The following GABRA3 variants were observed in gnomAD, a reference collection of about 807,000 sequenced individuals.
GABRA3 encodes the protein gamma-aminobutyric acid type A receptor subunit alpha3.
Under a neutral mutation model 30.1 loss-of-function variants are expected in GABRA3, and 10 were observed. The ratio of observed to expected loss-of-function variants is 0.33; its 90% CI spans 0.20 to 0.56. The LOEUF is 0.56. Ranked by LOEUF, GABRA3 falls within the 20% of genes least tolerant of loss-of-function variation. GABRA3 has a pLI of 0.89. For synonymous variants in GABRA3, 151 were observed against 146.8 expected (o/e 1.03, Z -0.21); for missense variants, 233 against 392.0 (o/e 0.59, Z 3.42).
chrX:152,199,221 C>T (rs1162926304), intron 7 of GABRA3, among the ~76,000 whole-genome samples: 2 of 106,955 alleles, frequency 1.9e-5, no homozygotes, highest in Non-Finnish European at 3.9e-5. Flanking sequence ...AAAATATTAG[C>T]CGGGTGTGGT....
chrX:152,227,091 A>T (rs2124383798), intron 5 of GABRA3, among the ~76,000 whole-genome samples: 1 of 110,348 alleles, frequency 9.1e-6, no homozygotes. Context: ...ACGTATGTTT[A>T]TTGTGGCACT....
chrX:152,197,584 G>C, intron 8 of GABRA3, 49 bp downstream of exon 8: 1 of 1,108,128 alleles, frequency 9.0e-7, no homozygotes, highest in Non-Finnish European at 1.2e-6. Context: ...CCTCCACTGT[G>C]ACTCTGCATG....
intron 1 of GABRA3, among the ~76,000 whole-genome samples, chrX:152,421,379 GTA>G (rs1168168436): frequency 9.0e-6 from 1 of 110,810 alleles, no homozygotes; most frequent in Non-Finnish European, 1.9e-5. Context: ...AAGACTTACT[GTA>G]TATATATCCT....
chrX:152,223,032 C>A (rs1309116271), intron 6 of GABRA3, among the ~76,000 whole-genome samples: 1 of 111,542 alleles, frequency 9.0e-6, no homozygotes, highest in Non-Finnish European at 1.9e-5. Context: ...CCTTGTGTCA[C>A]CCTAGCCCTG....
At chrX:152,387,907 C>A (rs1929367213) in intron 1 of GABRA3, among the ~76,000 whole-genome samples, 1 of 111,245 alleles carries the variant, frequency 9.0e-6, no homozygotes, top group East Asian at 2.8e-4. Context: ...AAAAAAAAAT[C>A]CATGCTTTGA....
intron 2 of GABRA3, among the ~76,000 whole-genome samples, chrX:152,357,593 T>C (rs1940570629): frequency 8.9e-6 from 1 of 111,886 alleles, no homozygotes; most frequent in South Asian, 3.7e-4. Flanking sequence ...CCCTTGATAG[T>C]TTCTTTTGCT....
At chrX:152,393,600 G>A (rs779895864) in intron 1 of GABRA3, 6 of 264,546 alleles carry the variant, frequency 2.3e-5, no homozygotes, top group African/African-American at 1.8e-4. Context: ...TATGAATAAA[G>A]GAAACATAAC....
At chrX:152,254,063 T>C (rs1374368116) in intron 5 of GABRA3, among the ~76,000 whole-genome samples, 3 of 111,848 alleles carry the variant, frequency 2.7e-5, no homozygotes, top group Non-Finnish European at 3.8e-5. Context: ...CCCTATTATA[T>C]TGTGATTATC....
intron 5 of GABRA3, among the ~76,000 whole-genome samples, chrX:152,229,905 A>AAACTCTC (rs1938034847): frequency 9.0e-6 from 1 of 111,172 alleles, no homozygotes; most frequent in Non-Finnish European, 1.9e-5. Context: ...TTATGATTAA[A>AAACTCTC]AACTCTCAAA....
At chrX:152,226,377 G>A (rs1249625664) in intron 5 of GABRA3, among the ~76,000 whole-genome samples, 1 of 111,309 alleles carries the variant, frequency 9.0e-6, no homozygotes, top group Non-Finnish European at 1.9e-5. Context: ...CTCACAGTAT[G>A]TTACACCTTC....
intron 5 of GABRA3, among the ~76,000 whole-genome samples, chrX:152,226,669 C>A (rs1325630286): frequency 9.0e-6 from 1 of 111,597 alleles, no homozygotes; most frequent in African/African-American, 3.3e-5. Flanking sequence ...CTACAATGAA[C>A]TCAAACAAAT....
intron 4 of GABRA3, among the ~76,000 whole-genome samples, chrX:152,270,271 A>T (rs984232823): frequency 2.7e-4 from 30 of 110,794 alleles, no homozygotes; most frequent in Admixed American, 8.6e-4. Context: ...CCTTTACTTG[A>T]CACTTCTCTC....
At chrX:152,201,256 A>T (rs1160314443) in intron 7 of GABRA3, among the ~76,000 whole-genome samples, 4 of 111,655 alleles carry the variant, frequency 3.6e-5, no homozygotes, top group Non-Finnish European at 5.6e-5. Context: ...AAATTGGAAG[A>T]TTTTCACAAT....
At chrX:152,447,350 A>T (rs771899690) in intron 1 of GABRA3, among the ~76,000 whole-genome samples, 1 of 111,667 alleles carries the variant, frequency 9.0e-6, no homozygotes, top group South Asian at 3.8e-4. Flanking sequence ...TTCAAAATAA[A>T]ATTGAGATAC....
intron 8 of GABRA3, among the ~76,000 whole-genome samples, chrX:152,192,784 T>G (rs908590917): frequency 9.0e-6 from 1 of 111,616 alleles, no homozygotes; most frequent in Admixed American, 9.6e-5. Context: ...CTTAATTCTG[T>G]TTTACAAAGT....
intron 1 of GABRA3, among the ~76,000 whole-genome samples, chrX:152,398,996 G>A (rs1012191041): frequency 4.5e-5 from 5 of 111,500 alleles, no homozygotes; most frequent in Non-Finnish European, 9.4e-5. Context: ...GAAGCAAAAA[G>A]AATTTGATTG....
rs998899223 is a variant in GABRA3 at position 152,405,433 on chromosome X, C to T, written c.-26-40837G>A. ...CAAAGACTGCAGGCCTTGGGCAAGT[C>T]CTGGTGCTGTGCTGGTCTCAAAGGC... On this transcript the variant is annotated intron_variant, in intron 1 of 9. Transcript: ENST00000370314. 2.7e-5 allele frequency among the ~76,000 whole-genome samples: 3 copies of T among 109,950 alleles called. No individual in the cohort carries two copies. The Admixed American group carries it at 2.9e-4, about 11-fold the overall frequency.
chrX:152,239,342 C>A (rs1368030088), intron 5 of GABRA3, among the ~76,000 whole-genome samples: 1 of 107,353 alleles, frequency 9.3e-6, no homozygotes, highest in African/African-American at 3.5e-5. Context: ...AGTTTGATTG[C>A]ACTGTGGTCT....
At chrX:152,256,173 T>C (rs1938634085) in intron 4 of GABRA3, among the ~76,000 whole-genome samples, 175 bp from the exon 5 acceptor site, 1 of 111,289 alleles carries the variant, frequency 9.0e-6, no homozygotes, top group Non-Finnish European at 1.9e-5. Context: ...AATAATGCCA[T>C]GGAGATTAAT....
Sources: gnomAD v4.1 joint callset for allele counts (sites outside exome capture counted in the v4.1 genomes callset) on GRCh38, gnomAD v4.1.1 for gene constraint, MANE v1.5 for transcripts, NCBI Gene and HGNC (gene_info 2026-07-23, HGNC 2026-07-21) for gene names.